The following CEP63 variants were observed in gnomAD, a reference collection of about 807,000 sequenced individuals.
The protein encoded by CEP63 is centrosomal protein 63.
Under a neutral mutation model 89.1 loss-of-function variants are expected in CEP63, and 84 were observed. The ratio of observed to expected loss-of-function variants is 0.94; its 90% CI spans 0.79 to 1.13. The LOEUF (loss-of-function observed/expected upper bound fraction) is 1.13. CEP63 is among the 50% of genes most tolerant of loss of function. The pLI, the probability that CEP63 is intolerant of heterozygous loss-of-function variation, is 0.00. For synonymous variants in CEP63, 267 were observed against 272.5 expected, an observed-to-expected ratio of 0.98 and a Z score of 0.20; for missense variants, 838 against 813.3, an observed-to-expected ratio of 1.03 and a Z score of -0.37.
At chr3:134,780,862 C>T in the CEP63 span, among the ~76,000 whole-genome samples, 1 of 152,256 alleles carries the variant, frequency 6.6e-6, no homozygotes, top group East Asian at 1.9e-4. Flanking sequence ...CCTTACAGCC[C>T]ACTGCATTTA....
the CEP63 span, among the ~76,000 whole-genome samples, chr3:134,671,392 A>G: frequency 1.3e-5 from 2 of 152,212 alleles, no homozygotes; most frequent in Non-Finnish European, 2.9e-5. Flanking sequence ...TACGATGTTC[A>G]TTATTTGGGT....
chr3:134,603,452 G>A, the CEP63 span: 2 of 813,980 alleles, frequency 2.5e-6, no homozygotes, highest in Admixed American at 2.6e-5. Context: ...GTGGGACACT[G>A]AGGCAGAGGC....
At chr3:134,711,200 A>C in the CEP63 span, among the ~76,000 whole-genome samples, 1 of 152,258 alleles carries the variant, frequency 6.6e-6, no homozygotes, top group Non-Finnish European at 1.5e-5. Context: ...ACTGTTCTAC[A>C]GTTACATTTC....
chr3:134,496,220 A>G (rs911935135), intron 2 of CEP63, among the ~76,000 whole-genome samples: 14 of 152,178 alleles, frequency 9.2e-5, no homozygotes, highest in African/African-American at 3.4e-4. Flanking sequence ...AAAAGCCACA[A>G]GCTACATGGA....
the CEP63 span, among the ~76,000 whole-genome samples, chr3:134,647,878 T>C: frequency 6.6e-6 from 1 of 152,192 alleles, no homozygotes; most frequent in African/African-American, 2.4e-5. Flanking sequence ...TTTTAGAGTC[T>C]TGATATAGAG....
At chr3:134,663,378 T>C in the CEP63 span, among the ~76,000 whole-genome samples, 90 of 152,284 alleles carry the variant, frequency 5.9e-4, no homozygotes, top group African/African-American at 2.0e-3. Context: ...AAGGGCTTGG[T>C]TGGGGTGAGG....
At chr3:134,488,635 A>G (rs1374917115) in intron 1 of CEP63, among the ~76,000 whole-genome samples, 1 of 152,094 alleles carries the variant, frequency 6.6e-6, no homozygotes, top group Non-Finnish European at 1.5e-5. Flanking sequence ...TGGTTTGGCC[A>G]TTCCTCCCCC....
chr3:134,544,700 G>A (rs1208001449), intron 6 of CEP63, among the ~76,000 whole-genome samples: 2 of 151,592 alleles, frequency 1.3e-5, no homozygotes, highest in East Asian at 3.9e-4. Flanking sequence ...ACTTCCATCA[G>A]AAATATAATA....
intron 10 of CEP63, among the ~76,000 whole-genome samples, chr3:134,584,339 G>A (rs1218457975): frequency 6.6e-6 from 1 of 152,132 alleles, no homozygotes; most frequent in Admixed American, 6.6e-5. Flanking sequence ...TTACTATTTT[G>A]AGATATGTTC....
At chr3:134,554,898 GT>G in intron 12 of CEP63, among the ~76,000 whole-genome samples, 1 of 151,972 alleles carries the variant, frequency 6.6e-6, no homozygotes, top group Admixed American at 6.6e-5. Context: ...AGAAGTGTCT[GT>G]TCATGTCCTT....
the CEP63 span, among the ~76,000 whole-genome samples, chr3:134,680,814 G>A: frequency 2.6e-5 from 4 of 152,200 alleles, no homozygotes; most frequent in Admixed American, 6.5e-5. Flanking sequence ...CTGATGGAGC[G>A]GGTAGCAGTT....
the CEP63 span, among the ~76,000 whole-genome samples, chr3:134,646,654 C>T: frequency 3.6e-3 from 553 of 152,246 alleles, 2 homozygotes; most frequent in African/African-American, 0.013. Flanking sequence ...ATCTGCAATC[C>T]TATTTCCCCA....
At chr3:134,739,147 C>T in the CEP63 span, among the ~76,000 whole-genome samples, 1 of 152,050 alleles carries the variant, frequency 6.6e-6, no homozygotes, top group Non-Finnish European at 1.5e-5. Flanking sequence ...GGTATATACC[C>T]TAAATAATTT....
the CEP63 span, among the ~76,000 whole-genome samples, chr3:134,659,448 C>T: frequency 2.6e-5 from 4 of 152,178 alleles, no homozygotes; most frequent in African/African-American, 9.7e-5. Flanking sequence ...GGGCTGATGC[C>T]TTTAAACCCA....
chr3:134,712,041 A>G, the CEP63 span, among the ~76,000 whole-genome samples: 3 of 152,210 alleles, frequency 2.0e-5, no homozygotes, highest in Admixed American at 2.0e-4. Flanking sequence ...GGCGTGAGCC[A>G]CCAAGCCCAG....
At chr3:134,764,456 C>G in the CEP63 span, among the ~76,000 whole-genome samples, 1 of 152,106 alleles carries the variant, frequency 6.6e-6, no homozygotes, top group Admixed American at 6.5e-5. Context: ...CCCATCCTGT[C>G]GTAGCCCCTC....
At chr3:134,742,064 T>C in the CEP63 span, among the ~76,000 whole-genome samples, 1 of 152,100 alleles carries the variant, frequency 6.6e-6, no homozygotes, top group Non-Finnish European at 1.5e-5. Context: ...TTTAACTTGA[T>C]TCCATTTATT....
the CEP63 span, among the ~76,000 whole-genome samples, chr3:134,763,821 T>C: frequency 6.6e-6 from 1 of 152,230 alleles, no homozygotes; most frequent in Admixed American, 6.5e-5. Flanking sequence ...ATTCAGTGAA[T>C]GCTCTTCAGG....
chr3:134,619,371 C>T, the CEP63 span: 2 of 818,824 alleles, frequency 2.4e-6, no homozygotes, highest in Non-Finnish European at 4.3e-6. Flanking sequence ...CAGGAAACTA[C>T]AGTGGGCTGA....
Sources: gnomAD v4.1 joint callset for allele counts (sites outside exome capture counted in the v4.1 genomes callset) on GRCh38, gnomAD v4.1.1 for gene constraint, MANE v1.5 for transcripts, NCBI Gene and HGNC (gene_info 2026-07-23, HGNC 2026-07-21) for gene names.